UPF2: variants seen among roughly 807,000 people sequenced by gnomAD.
UPF2 encodes regulator of nonsense transcripts 2.
Under a neutral mutation model 141.4 loss-of-function variants are expected in UPF2, and 17 were observed. The observed-to-expected ratio is 0.12, with a 90% CI of 0.08 to 0.18. The LOEUF is 0.18. Ranked by LOEUF, UPF2 falls within the 10% of genes least tolerant of loss-of-function variation. The pLI, the probability that UPF2 is intolerant of heterozygous loss-of-function variation, is 1.00. For synonymous variants in UPF2, 540 were observed against 498.0 expected, an observed-to-expected ratio of 1.08 and a Z score of -1.12; for missense variants, 1,152 against 1,515.9, an observed-to-expected ratio of 0.76 and a Z score of 3.99.
At chr10:12,018,489 G>A (rs1033881745) in intron 3 of UPF2, among the ~76,000 whole-genome samples, 2 of 152,086 alleles carry the variant, frequency 1.3e-5, no homozygotes, top group African/African-American at 4.8e-5. Context: ...GCTGAGGTAG[G>A]AGAATCACTT....
chr10:12,019,774 A>C lies in UPF2; in HGVS notation c.1146-5590T>G, dbSNP rs1414048562. 6.6e-6 allele frequency among the ~76,000 whole-genome samples: 1 copy of C among 151,788 alleles called. No homozygotes were observed. The highest frequency in any genetic ancestry group is 2.4e-5 in the African/African-American group (1 of 41,288). Reference sequence around the variant, plus strand: ...ATTCTCGCTCTGCTGCCCAGGCTGGAGTGTAGTGGTGCAATCTGAGCTCAC... The same window carrying C: ...ATTCTCGCTCTGCTGCCCAGGCTGGCGTGTAGTGGTGCAATCTGAGCTCAC... On this transcript the variant is annotated intron_variant, in intron 3 of 21. Coordinates refer to ENST00000357604, the MANE Select transcript of UPF2 (RefSeq NM_015542.4). The surrounding 1 kb of genome is among the most constrained non-coding windows in gnomAD (Gnocchi z 4.5).
At chr10:12,033,362 T>G (rs938276551) in intron 2 of UPF2, among the ~76,000 whole-genome samples, 1 of 151,920 alleles carries the variant, frequency 6.6e-6, no homozygotes, top group Non-Finnish European at 1.5e-5. Flanking sequence ...ATGGTGAAAC[T>G]CTATCTACAA....
At chr10:12,013,915 G>C in intron 4 of UPF2, 109 bp downstream of exon 4, 1 of 1,164,416 alleles carries the variant, frequency 8.6e-7, no homozygotes, top group Non-Finnish European at 1.1e-6. Context: ...TGAAAATGTT[G>C]ACGCCATTTT....
chr10:12,011,619 G>A (rs1834128906), intron 4 of UPF2, among the ~76,000 whole-genome samples: 1 of 150,458 alleles, frequency 6.6e-6, no homozygotes, highest in Admixed American at 6.7e-5. Context: ...ATTTTTTCAA[G>A]GTCTATTAAT....
At chr10:11,976,337 G>T (rs905426303) in intron 9 of UPF2, among the ~76,000 whole-genome samples, 5 of 152,200 alleles carry the variant, frequency 3.3e-5, no homozygotes, top group Admixed American at 6.5e-5. Context: ...ATGAAAGACA[G>T]TGGCAGGAGG....
rs139159676 is a variant in UPF2, at chr10:12,029,921, G to T, written c.366-397C>A. On this transcript the variant is annotated intron_variant, in intron 2 of 21. Coordinates refer to ENST00000357604, the MANE Select transcript of UPF2 (RefSeq NM_015542.4). ...TGCAATGAGCCAAGAACGTGACACT[G>T]CACTCTAGTCTGGGCGACAGAGCAA... 1.1e-4 allele frequency among the ~76,000 whole-genome samples: 17 copies of T among 148,702 alleles called. No individual in the cohort carries two copies. In the East Asian group the frequency reaches 3.4e-3, roughly 30 times the overall value.
At position 11,970,120 on chromosome 10, in the gene UPF2, T is replaced by C. The variant is rs528687833; in HGVS notation, c.1954-2666A>G. 9.2e-5 allele frequency among the ~76,000 whole-genome samples: 14 copies of C among 152,328 alleles called. No homozygotes were observed. In the East Asian group the frequency reaches 2.3e-3, roughly 25 times the overall value. The stretch of plus-strand genomic sequence containing the variant: ...GATACATTATCTTGAGCAAGTCATA[T>C]AAACTCCCTGAGCCTGTCTGCCCAC... On this transcript the variant is annotated intron_variant, in intron 9 of 21. Coordinates refer to ENST00000357604, the MANE Select transcript of UPF2 (RefSeq NM_015542.4).
chr10:11,929,759 G>C (rs1832759887), intron 21 of UPF2, 106 bp downstream of exon 21: 1 of 1,455,730 alleles, frequency 6.9e-7, no homozygotes, highest in Non-Finnish European at 9.2e-7. Flanking sequence ...TTTCTATTTT[G>C]CTAAAAATCG....
chr10:11,942,949 T>G, intron 17 of UPF2, 115 bp downstream of exon 17: 1 of 920,426 alleles, frequency 1.1e-6, no homozygotes, highest in Non-Finnish European at 1.6e-6. Flanking sequence ...GAAAATGAAT[T>G]TCTAAAGAAA....
intron 8 of UPF2, among the ~76,000 whole-genome samples, chr10:11,982,230 C>T (rs1043135799): frequency 1.6e-4 from 24 of 152,258 alleles, no homozygotes; most frequent in Non-Finnish European, 1.8e-4. Context: ...TAAATCTATG[C>T]GGAGGTTCTT....
At position 11,979,678 on chromosome 10, in the gene UPF2, A is replaced by C. The variant is rs1833561139; in HGVS notation, c.1845-513T>G. ...TCCCAGCACTTTGGGAGGCCGAGGC[A>C]GGCAGATCATGAGGTAAAGAGATCA... On this transcript the variant is annotated intron_variant, in intron 8 of 21. Coordinates refer to ENST00000357604, the MANE Select transcript of UPF2 (RefSeq NM_015542.4). This position sits in a 1 kb window ranked among gnomAD's most constrained non-coding sequence, Gnocchi z 6.2. 6.6e-6 allele frequency among the ~76,000 whole-genome samples: 1 copy of C among 152,180 alleles called. No individual in the cohort carries two copies. The highest frequency in any genetic ancestry group is 2.4e-5 in the African/African-American group (1 of 41,446).
chr10:11,964,853 C>T (rs1351486305), intron 10 of UPF2, among the ~76,000 whole-genome samples: 1 of 152,156 alleles, frequency 6.6e-6, no homozygotes, highest in East Asian at 1.9e-4. Context: ...TTGTGGAATA[C>T]AGTATTTGCA....
chr10:12,006,430 T>G (rs965343436), intron 4 of UPF2, among the ~76,000 whole-genome samples: 1 of 152,180 alleles, frequency 6.6e-6, no homozygotes, highest in South Asian at 2.1e-4. Context: ...ATAAATAGAT[T>G]ATGTAAATTA....
At chr10:11,966,123 T>A (rs1186832932) in intron 10 of UPF2, among the ~76,000 whole-genome samples, 3 of 152,216 alleles carry the variant, frequency 2.0e-5, no homozygotes, top group African/African-American at 7.2e-5. Context: ...TTTTGGTAAA[T>A]AATCCATAGG....
intron 3 of UPF2, among the ~76,000 whole-genome samples, chr10:12,021,894 T>C (rs4750150): frequency 0.6 from 90,769 of 152,016 alleles, 28,391 homozygotes; most frequent in East Asian, 0.86. Flanking sequence ...GTCTGTAATC[T>C]CAGCACTTTG....
intron 19 of UPF2, among the ~76,000 whole-genome samples, chr10:11,934,291 A>G (rs1832816701): frequency 6.6e-6 from 1 of 152,234 alleles, no homozygotes; most frequent in South Asian, 2.1e-4. Flanking sequence ...CAAAGATCTC[A>G]GGACAATGCC....
rs1435175585 is a variant in UPF2 at position 11,959,503 on chromosome 10, T to C, written c.2185-147A>G. The C allele has an allele frequency of 1.3e-6, 1 of 791,068 alleles. No individual in the cohort carries two copies. Among genetic ancestry groups the C allele is most frequent in the Non-Finnish European group, 1.9e-6 (1 of 535,224 alleles). The allele number at this position is 791,068 out of a possible 1,614,324, so 49.0% of individuals were successfully genotyped here. A position where few individuals can be genotyped will look rare whatever the true frequency, so the allele number is the denominator to read the frequency against. On this transcript the variant is annotated intron_variant, in intron 11 of 21. Transcript: ENST00000357604. This position sits in a 1 kb window ranked among gnomAD's most constrained non-coding sequence, Gnocchi z 5.9. ...GACTGGGCACTGTGGCTCACACCTA[T>C]AATCCCAGCACTTTGGGAGACTGAG...
chr10:11,926,957 T>C (rs1013463849), intron 21 of UPF2, among the ~76,000 whole-genome samples: 1 of 152,126 alleles, frequency 6.6e-6, no homozygotes, highest in Admixed American at 6.6e-5. Context: ...AGCACACACA[T>C]GCTCACGTCG....
chr10:11,936,826 A>G lies in UPF2; in HGVS notation c.3379-114T>C. The stretch of plus-strand genomic sequence containing the variant: ...TTTCTTAAAACACAACAATCATAAG[A>G]GCCATAACAGTCAACAATTACAACC... On this transcript the variant is annotated intron_variant, in intron 18 of 21. Transcript: ENST00000357604. The surrounding 1 kb of genome is among the most constrained non-coding windows in gnomAD (Gnocchi z 6.6). 2 of 1,013,954 alleles carry G rather than the reference A, an allele frequency of 2.0e-6. No homozygotes were observed. Among genetic ancestry groups the G allele is most frequent in the Non-Finnish European group, 2.7e-6 (2 of 732,452 alleles). The allele number at this position is 1,013,954 out of a possible 1,614,324, so 62.8% of individuals were successfully genotyped here.
Sources: gnomAD v4.1 joint callset for allele counts (sites outside exome capture counted in the v4.1 genomes callset) on GRCh38, gnomAD v4.1.1 for gene constraint, Gnocchi (gnomAD v3.1) non-coding constraint, MANE v1.5 for transcripts, NCBI Gene and HGNC (gene_info 2026-07-23, HGNC 2026-07-21) for gene names.